Variants in FAM117B observed in about 807,000 individuals in gnomAD.
The protein encoded by FAM117B is protein FAM117B.
FAM117B carries 22 observed loss-of-function variants against 52.8 expected under a neutral mutation model. The ratio of observed to expected loss-of-function variants is 0.42; its 90% confidence interval spans 0.30 to 0.59. The LOEUF (loss-of-function observed/expected upper bound fraction) is 0.59, where lower values mean the gene tolerates loss of function less well. Among genes scored for constraint, FAM117B ranks in the 20% least tolerant of loss-of-function variants. The pLI, the probability that FAM117B is intolerant of heterozygous loss-of-function variation, is 0.22. For missense variants in FAM117B, 678 were observed against 802.6 expected (o/e 0.84, Z 1.88); for synonymous variants, 309 against 324.1 (o/e 0.95, Z 0.50).
chr2:202,719,246 CTGTCTGT>C (rs1691111634), intron 2 of FAM117B, among the ~76,000 whole-genome samples: 1 of 152,144 alleles, frequency 6.6e-6, no homozygotes, highest in African/African-American at 2.4e-5. Flanking sequence ...GTGACCAAAG[CTGTCTGT>C]TGTTCTTTAT....
rs1204400474 is a variant in FAM117B at position 202,760,023 on chromosome 2, G to A, written c.1451+670G>A. The stretch of plus-strand genomic sequence containing the variant: ...GCCTATTATCAGCATTTTTAAGTAA[G>A]CTGAAAGAATAGTATAGTGATCACT... On this transcript the variant is annotated intron_variant, in intron 7 of 7. Transcript: ENST00000392238. Among the ~76,000 whole-genome samples, 4 of 152,192 alleles carry A rather than the reference G, an allele frequency of 2.6e-5. No individual in the cohort carries two copies. The East Asian group carries it at 7.7e-4, about 29-fold the overall frequency.
At chr2:202,655,761 A>T (rs13018186) in intron 1 of FAM117B, among the ~76,000 whole-genome samples, 15,373 of 98,980 alleles carry the variant, frequency 0.16, 2,319 homozygotes, top group African/African-American at 0.42. Flanking sequence ...AGAGAGAGAG[A>T]GTGTGTGTGT....
intron 2 of FAM117B, among the ~76,000 whole-genome samples, chr2:202,697,563 T>TC (rs1206432150): frequency 4.6e-5 from 7 of 151,188 alleles, no homozygotes; most frequent in Non-Finnish European, 7.4e-5. Context: ...TTTTTTTTTT[T>TC]CCCCTGAGAT....
chr2:202,645,509 T>C (rs1462129916), intron 1 of FAM117B, among the ~76,000 whole-genome samples: 2 of 150,274 alleles, frequency 1.3e-5, no homozygotes, highest in Non-Finnish European at 3.0e-5. Context: ...CAGGATGGTC[T>C]TGATCTCCTG....
rs1689654503 is a variant in FAM117B at position 202,635,120 on chromosome 2, T to C, written c.-68T>C. The C allele has an allele frequency of 1.8e-5, 22 of 1,246,694 alleles. No homozygotes were observed. In the South Asian group the frequency reaches 5.4e-4, roughly 31 times the overall value. 77.2% of individuals were successfully genotyped at this position (1,246,694 alleles called of 1,614,324 possible). A position where few individuals can be genotyped will look rare whatever the true frequency, so the allele number is the denominator to read the frequency against. On this transcript the variant is annotated 5_prime_UTR_variant, in exon 1 of 8. Coordinates refer to ENST00000392238, the MANE Select transcript of FAM117B (RefSeq NM_173511.4). ...GGGGCCTGCCCTCCGGCCTCGAGAA[T>C]CCTCCCCCTGCAGCCCAACAACAAC...
At chr2:202,727,778 C>T (rs776674586) in intron 4 of FAM117B, among the ~76,000 whole-genome samples, 2 of 152,112 alleles carry the variant, frequency 1.3e-5, no homozygotes, top group East Asian at 1.9e-4. Context: ...GTCTGGTTCA[C>T]GAAGCCTAAA....
chr2:202,698,320 T>C (rs1017478180), intron 2 of FAM117B, among the ~76,000 whole-genome samples: 1 of 152,232 alleles, frequency 6.6e-6, no homozygotes, highest in South Asian at 2.1e-4. Flanking sequence ...GGGCAGACAA[T>C]TGGGATTTGG....
rs1045474249 is a variant in FAM117B, at chr2:202,769,129, C to CTT, written c.*3368_*3369dup. ...ACTTATGACTACAGTCCAAATCAGT[C>CTT]TTTTAGAAGGTGCTCTTGCTAACTG... On this transcript the variant is annotated 3_prime_UTR_variant, in exon 8 of 8. Transcript: ENST00000392238. 6.6e-6 allele frequency: 1 copy of CTT among 152,088 alleles called. No individual in the cohort carries two copies. Among genetic ancestry groups the CTT allele is most frequent in the African/African-American group, 2.4e-5 (1 of 41,404 alleles). 9.4% of individuals were successfully genotyped at this position (152,088 alleles called of 1,614,324 possible). A position where few individuals can be genotyped will look rare whatever the true frequency, so the allele number is the denominator to read the frequency against.
Position 202,765,723 on chromosome 2 carries a change from C to T in FAM117B, c.1729C>T (p.Leu577=), listed in dbSNP as rs531810299. ...GTSTVMPSAS[L]LPPPEPIEEA... ...AAGTACAGTCATGCCATCAGCTTCT[C>T]TACTCCCACCACCAGAACCAATTGA... Residue 577 remains leucine, a synonymous_variant, in exon 8 of 8, where the codon CTA becomes TTA. Coordinates refer to ENST00000392238, the MANE Select transcript of FAM117B (RefSeq NM_173511.4). The T allele has an allele frequency of 4.3e-6, 7 of 1,614,154 alleles. No homozygotes were observed. The highest frequency in any genetic ancestry group is 1.6e-4 in the Middle Eastern group (1 of 6,062).
chr2:202,730,769 C>G (rs1691330451), intron 4 of FAM117B, among the ~76,000 whole-genome samples: 2 of 152,110 alleles, frequency 1.3e-5, no homozygotes, highest in Non-Finnish European at 1.5e-5. Flanking sequence ...CGTCAAGGAC[C>G]TAAATGTAAG....
At chr2:202,721,229 C>T (rs1366405865) in intron 2 of FAM117B, among the ~76,000 whole-genome samples, 2 of 151,930 alleles carry the variant, frequency 1.3e-5, no homozygotes, top group African/African-American at 4.8e-5. Flanking sequence ...AAAATTTAAA[C>T]AATTTTTGAA....
At chr2:202,694,184 A>ACTT in intron 1 of FAM117B, among the ~76,000 whole-genome samples, 1 of 126,278 alleles carries the variant, frequency 7.9e-6, no homozygotes, top group African/African-American at 3.7e-5. Context: ...TGCAAAACCC[A>ACTT]CTTCTTTTTT....
chr2:202,669,207 T>A (rs1352755627), intron 1 of FAM117B, among the ~76,000 whole-genome samples: 1 of 152,156 alleles, frequency 6.6e-6, no homozygotes, highest in Non-Finnish European at 1.5e-5. Flanking sequence ...CATCTTGATT[T>A]GATAGACACA....
chr2:202,705,639 C>T (rs1395091472), intron 2 of FAM117B, among the ~76,000 whole-genome samples: 1 of 152,228 alleles, frequency 6.6e-6, no homozygotes. Flanking sequence ...GCTACAATGT[C>T]ACCAACCTCT....
At chr2:202,677,425 A>C (rs528874632) in intron 1 of FAM117B, among the ~76,000 whole-genome samples, 1 of 152,372 alleles carries the variant, frequency 6.6e-6, no homozygotes, top group Non-Finnish European at 1.5e-5. Flanking sequence ...TGCTGCTTAT[A>C]GTAAAATGCA....
chr2:202,739,684 G>A (rs1691494724), intron 4 of FAM117B, among the ~76,000 whole-genome samples: 1 of 151,996 alleles, frequency 6.6e-6, no homozygotes, highest in African/African-American at 2.4e-5. Flanking sequence ...CTCGAAGTCT[G>A]GTCCTTAAGC....
chr2:202,732,943 C>CA (rs1379561769), intron 4 of FAM117B, among the ~76,000 whole-genome samples: 1 of 150,518 alleles, frequency 6.6e-6, no homozygotes, highest in Non-Finnish European at 1.5e-5. Flanking sequence ...CCAAAATAGG[C>CA]AAACCCATAG....
chr2:202,691,502 A>T (rs1222811704), intron 1 of FAM117B, among the ~76,000 whole-genome samples: 4 of 32,720 alleles, frequency 1.2e-4, no homozygotes, highest in Admixed American at 3.3e-4. Context: ...ATTTTTAATT[A>T]AAAAAAAAAA....
chr2:202,724,878 A>AT, intron 2 of FAM117B, 39 bp from the exon 3 acceptor site: 1 of 1,461,596 alleles, frequency 6.8e-7, no homozygotes, highest in South Asian at 1.3e-5. Flanking sequence ...TTGTGAAATG[A>AT]TTTTTGTTAA....
Sources: allele counts gnomAD v4.1 joint callset (sites outside exome capture counted in the v4.1 genomes callset), GRCh38; gene constraint gnomAD v4.1.1; transcripts MANE v1.5; gene names NCBI Gene and HGNC (gene_info 2026-07-23, HGNC 2026-07-21).